The following PCDH17 variants were observed in gnomAD, a reference collection of about 807,000 sequenced individuals.
PCDH17 encodes protocadherin-17.
In PCDH17, 21 loss-of-function variants were observed where a neutral mutation model predicts 67.7. That is an observed-to-expected ratio of 0.31 (90% CI 0.22 to 0.45). The LOEUF (loss-of-function observed/expected upper bound fraction) is 0.45, where lower values mean the gene tolerates loss of function less well. PCDH17 is among the 20% of genes least tolerant of loss of function. The pLI, the probability that PCDH17 is intolerant of heterozygous loss-of-function variation, is 1.00. For missense variants in PCDH17, 1,471 were observed against 1,564.8 expected (o/e 0.94, Z 1.01); for synonymous variants, 701 against 656.7 (o/e 1.07, Z -1.03).
intron 3 of PCDH17, among the ~76,000 whole-genome samples, chr13:57,682,666 G>T (rs1342553136): frequency 6.6e-6 from 1 of 151,714 alleles, no homozygotes; most frequent in Admixed American, 6.6e-5. Context: ...GTAGTCTGCA[G>T]GCTTTGTGTG....
At position 57,698,912 on chromosome 13, in the gene PCDH17, A is replaced by G. The variant is rs762213959; in HGVS notation, c.2798-25700A>G. Among the ~76,000 whole-genome samples, 6 of 152,080 alleles carry G rather than the reference A, an allele frequency of 3.9e-5. 1 individual carries two copies. In the East Asian group the frequency reaches 1.2e-3, roughly 29 times the overall value. The stretch of plus-strand genomic sequence containing the variant: ...AAATATTAGCTATTTTATGTCAAAA[A>G]TCGAAAGGAAAAGGAGAAAAAAAAC... On this transcript the variant is annotated intron_variant, in intron 3 of 3. Transcript: ENST00000377918.
At chr13:57,684,875 A>G (rs1439454334) in intron 3 of PCDH17, among the ~76,000 whole-genome samples, 1 of 151,978 alleles carries the variant, frequency 6.6e-6, no homozygotes, top group African/African-American at 2.4e-5. Flanking sequence ...TAGTGCCATC[A>G]ATGTTTGAGT....
intron 1 of PCDH17, among the ~76,000 whole-genome samples, chr13:57,655,901 C>A (rs1227569499): frequency 6.6e-6 from 1 of 151,952 alleles, no homozygotes; most frequent in East Asian, 1.9e-4. Context: ...ACATTAATTT[C>A]TCATCAACTT....
chr13:57,659,855 G>A (rs1489284284), intron 1 of PCDH17, among the ~76,000 whole-genome samples: 1 of 152,106 alleles, frequency 6.6e-6, no homozygotes, highest in East Asian at 1.9e-4. Flanking sequence ...TGCAACAAGT[G>A]CAGTTTGAAA....
chr13:57,645,668 A>G (rs970894341), intron 1 of PCDH17, among the ~76,000 whole-genome samples: 1 of 150,994 alleles, frequency 6.6e-6, no homozygotes, highest in Admixed American at 6.6e-5. Context: ...CTCTCCCAGT[A>G]TTTGTTTATA....
chr13:57,699,626 A>G, intron 3 of PCDH17, among the ~76,000 whole-genome samples: 1 of 150,208 alleles, frequency 6.7e-6, no homozygotes, highest in East Asian at 2.0e-4. Context: ...TTCTTTTATA[A>G]CTCTTAATTT....
intron 1 of PCDH17, among the ~76,000 whole-genome samples, chr13:57,653,496 A>G (rs977682202): frequency 2.0e-5 from 3 of 152,200 alleles, no homozygotes; most frequent in African/African-American, 7.2e-5. Context: ...AAACTTGTTC[A>G]TAATACTTAC....
At chr13:57,638,409 T>G (rs1954850969) in intron 1 of PCDH17, among the ~76,000 whole-genome samples, 1 of 152,088 alleles carries the variant, frequency 6.6e-6, no homozygotes, top group Non-Finnish European at 1.5e-5. Flanking sequence ...GACTTCTCAC[T>G]GATGGGAGAC....
chr13:57,694,268 T>G (rs1363786710), intron 3 of PCDH17, among the ~76,000 whole-genome samples: 1 of 151,232 alleles, frequency 6.6e-6, no homozygotes, highest in East Asian at 1.9e-4. Flanking sequence ...GCAACAGTTT[T>G]GGAGCACAAT....
At chr13:57,698,584 A>G (rs1437605146) in intron 3 of PCDH17, among the ~76,000 whole-genome samples, 1 of 151,976 alleles carries the variant, frequency 6.6e-6, no homozygotes, top group Non-Finnish European at 1.5e-5. Flanking sequence ...CACAATTTCA[A>G]TTGCTAATTT....
Position 57,634,478 on chromosome 13 carries a change from G to C in PCDH17, c.1932G>C (p.Glu644Asp), listed in dbSNP as rs2137971911. 1 of 1,612,976 alleles carries C rather than the reference G, an allele frequency of 6.2e-7. No homozygotes were observed. The highest frequency in any genetic ancestry group is 8.5e-7 in the Non-Finnish European group (1 of 1,180,008). The stretch of plus-strand genomic sequence containing the variant: ...TTGAGATCGACCCGTCCAGCGGCGA[G>C]ATCCGCACGCTGCACCCTTTCTGGG... ...HLFEIDPSSG[E>D]IRTLHPFWED... The change falls in exon 1 of 4, where the codon GAG becomes GAC. Residue 644 changes from glutamate (E) to aspartate (D), a missense_variant. Coordinates refer to ENST00000377918, the MANE Select transcript of PCDH17 (RefSeq NM_001040429.3). The surrounding 1 kb of genome is among the most constrained non-coding windows in gnomAD (Gnocchi z 7.8).
intron 1 of PCDH17, among the ~76,000 whole-genome samples, chr13:57,655,730 T>C (rs1011762651): frequency 8.6e-5 from 13 of 151,940 alleles, no homozygotes; most frequent in Admixed American, 5.9e-4. Flanking sequence ...ATAAAGCACA[T>C]TAAACATTAA....
rs753328962 is a variant in PCDH17 at position 57,632,698 on chromosome 13, C to T, written c.152C>T (p.Ala51Val). 2 of 1,611,626 alleles carry T rather than the reference C, an allele frequency of 1.2e-6. No individual in the cohort carries two copies. Among genetic ancestry groups the T allele is most frequent in the Non-Finnish European group, 1.7e-6 (2 of 1,179,916 alleles). Residue 51 changes from alanine to valine, a missense_variant, in exon 1 of 4, where the codon GCA becomes GTA. Around this residue, in one of 3 missense-constraint regions of PCDH17, gnomAD observed 1,163 missense variants for 1,230.0 expected, o/e 0.95. Transcript: ENST00000377918. Reference sequence around the variant, plus strand: ...CGACTGCAGCCTGGGCTTCCGCCTGCAGAGCGCGGCGGCGGAGGGCGCAGC... The same window carrying T: ...CGACTGCAGCCTGGGCTTCCGCCTGTAGAGCGCGGCGGCGGAGGGCGCAGC... Reference protein sequence around the residue: ...DARLQPGLPPAERGGGGRSKS... With the variant: ...DARLQPGLPPVERGGGGRSKS...
chr13:57,693,895 A>T (rs1955582973), intron 3 of PCDH17, among the ~76,000 whole-genome samples: 1 of 150,940 alleles, frequency 6.6e-6, no homozygotes, highest in Admixed American at 6.6e-5. Flanking sequence ...GACCAGTTAA[A>T]GTCAAAGGAG....
intron 1 of PCDH17, among the ~76,000 whole-genome samples, chr13:57,655,967 G>C (rs2138007590): frequency 6.6e-6 from 1 of 152,170 alleles, no homozygotes; most frequent in Middle Eastern, 3.4e-3. Context: ...CAGAGAGGCA[G>C]TACAGCAACC....
chr13:57,702,392 A>G (rs1002816492), intron 3 of PCDH17, among the ~76,000 whole-genome samples: 10 of 151,976 alleles, frequency 6.6e-5, no homozygotes, highest in East Asian at 1.9e-4. Flanking sequence ...CTTTGCATAC[A>G]TGTATTCACT....
rs1427292138 is a variant in PCDH17 at position 57,725,302 on chromosome 13, A to AG, written c.*8_*9insG. The AG allele has an allele frequency of 6.3e-7, 1 of 1,575,812 alleles. No homozygotes were observed. The highest frequency in any genetic ancestry group is 8.6e-7 in the Non-Finnish European group (1 of 1,161,914). On this transcript the variant is annotated 3_prime_UTR_variant, in exon 4 of 4. Coordinates refer to ENST00000377918, the MANE Select transcript of PCDH17 (RefSeq NM_001040429.3). ...GTGGCTGTGAGAAAGTGAAAAAAGA[A>AG]AAAAAAAAAGGCATTGGCATTTTCT...
At position 57,633,056 on chromosome 13, in the gene PCDH17, G is replaced by C. The variant is rs747135468; in HGVS notation, c.510G>C (p.Leu170=). ...GCGAGAATGGGCTCCGCACCTACCT[G>C]CTCACGCGCGACGATCACGGCCTCT... ...DAGENGLRTY[L]LTRDDHGLFG... Residue 170 remains leucine (L), a synonymous_variant, in exon 1 of 4, where the codon CTG becomes CTC. Coordinates refer to ENST00000377918, the MANE Select transcript of PCDH17 (RefSeq NM_001040429.3). This position sits in a 1 kb window ranked among gnomAD's most constrained non-coding sequence, Gnocchi z 6.2. 6.2e-7 allele frequency: 1 copy of C among 1,613,100 alleles called. No individual in the cohort carries two copies. Among genetic ancestry groups the C allele is most frequent in the South Asian group, 1.1e-5 (1 of 91,062 alleles).
chr13:57,650,136 A>G (rs1452749442), intron 1 of PCDH17, among the ~76,000 whole-genome samples: 1 of 152,130 alleles, frequency 6.6e-6, no homozygotes, highest in Non-Finnish European at 1.5e-5. Context: ...ATAAAACAAA[A>G]CATATAATTA....
Sources: gnomAD v4.1 joint callset for allele counts (sites outside exome capture counted in the v4.1 genomes callset) on GRCh38, gnomAD v4.1.1 for gene constraint, gnomAD v4.1.1 regional missense constraint, Gnocchi (gnomAD v3.1) non-coding constraint, MANE v1.5 for transcripts, NCBI Gene and HGNC (gene_info 2026-07-23, HGNC 2026-07-21) for gene names.